Variants in WNK1 observed in about 807,000 individuals in gnomAD.
WNK1 encodes the protein WNK lysine deficient protein kinase 1.
A neutral mutation model predicts 222.8 loss-of-function variants in WNK1; 38 were observed. That is an observed-to-expected ratio of 0.17 (90% CI 0.13 to 0.22). The LOEUF is 0.22. WNK1 is among the 10% of genes least tolerant of loss of function. The pLI, the probability that WNK1 is intolerant of heterozygous loss-of-function variation, is 1.00. For synonymous variants in WNK1, 1,090 were observed against 1,092.9 expected (o/e 1.00, Z 0.05); for missense variants, 2,348 against 2,918.4 (o/e 0.80, Z 4.50).
At chr12:854,355 C>CT (rs765372764) in intron 4 of WNK1, among the ~76,000 whole-genome samples, 6,453 of 97,630 alleles carry the variant, frequency 0.066, 1,022 homozygotes, top group African/African-American at 0.21. Context: ...TTATCATTAT[C>CT]TTTTTTTTTT....
intron 1 of WNK1, among the ~76,000 whole-genome samples, chr12:780,967 C>T (rs572097061): frequency 1.3e-5 from 2 of 152,306 alleles, no homozygotes; most frequent in East Asian, 3.9e-4. Flanking sequence ...TTTGCAGTGG[C>T]TATCAAACCT....
intron 2 of WNK1, among the ~76,000 whole-genome samples, chr12:818,754 A>G (rs1192237218): frequency 6.6e-6 from 1 of 152,228 alleles, no homozygotes; most frequent in Non-Finnish European, 1.5e-5. Flanking sequence ...GGCGTCTTTC[A>G]CTTAGCATGG....
At chr12:843,731 G>C (rs1198271817) in intron 4 of WNK1, among the ~76,000 whole-genome samples, 1 of 152,204 alleles carries the variant, frequency 6.6e-6, no homozygotes, top group African/African-American at 2.4e-5. Flanking sequence ...AACCAACCAT[G>C]CAAAGTGCAG....
At chr12:840,191 A>G (rs989699082) in intron 4 of WNK1, among the ~76,000 whole-genome samples, 1 of 152,012 alleles carries the variant, frequency 6.6e-6, no homozygotes, top group Non-Finnish European at 1.5e-5. Flanking sequence ...GCAGTGGTAC[A>G]ATCATAGCTC....
At position 896,607 on chromosome 12, in the gene WNK1, C is replaced by G. The variant is rs142439139; in HGVS notation, c.6120C>G (p.Ser2040Arg). 2.5e-6 allele frequency: 4 copies of G among 1,607,818 alleles called. No individual in the cohort carries two copies. The highest frequency in any genetic ancestry group is 4.5e-5 in the East Asian group (2 of 44,790). The part of the protein sequence containing the change: ...PHSPHQLSSK[S>R]LPSQNLSQSL... ...CGCCCCATCAGCTGAGCTCAAAGAG[C>G]CTTCCTAGCCAGAATCTAAGTCAAA... The change falls in exon 24 of 28, where the codon AGC (serine) becomes AGG (arginine). Residue 2040 changes from serine (S) to arginine (R), a missense_variant. This residue lies in a region of WNK1 where 1,144 missense variants were observed against 1,273.6 expected (regional missense o/e 0.90). Transcript: ENST00000315939.
In WNK1 at chr12:859,126, C is replaced by T. The variant is rs577949771; in HGVS notation, c.1401-119C>T. 60 of 844,180 alleles carry T rather than the reference C, an allele frequency of 7.1e-5. No homozygotes were observed. In the Admixed American group the frequency reaches 9.2e-4, roughly 13 times the overall value. 52.3% of individuals were successfully genotyped at this position (844,180 alleles called of 1,614,324 possible). On this transcript the variant is annotated intron_variant, in intron 5 of 27. Transcript: ENST00000315939. ...ATGTAAAAATGAGTTATACTTTCCCCTGTATTTTTTCCCATTTTTTTCTTC... is the reference window on the plus strand; with the variant it reads ...ATGTAAAAATGAGTTATACTTTCCCTTGTATTTTTTCCCATTTTTTTCTTC...
In WNK1 at chr12:909,774, T is replaced by C. The variant is rs1955960971; in HGVS notation, c.*982T>C. On this transcript the variant is annotated 3_prime_UTR_variant, in exon 28 of 28. Transcript: ENST00000315939. ...TCAATAAAGGGCATGTGGAAGGAAATCGTAGGTCCATGTGACCCCAGCAGT... is the reference window on the plus strand; with the variant it reads ...TCAATAAAGGGCATGTGGAAGGAAACCGTAGGTCCATGTGACCCCAGCAGT... 6.6e-6 allele frequency: 1 copy of C among 152,208 alleles called. No individual in the cohort carries two copies. The highest frequency in any genetic ancestry group is 1.5e-5 in the Non-Finnish European group (1 of 68,030). The allele number at this position is 152,208 out of a possible 1,614,324, so 9.4% of individuals were successfully genotyped here.
chr12:756,840 CAGG>C (rs753609669), intron 1 of WNK1, among the ~76,000 whole-genome samples: 5 of 152,134 alleles, frequency 3.3e-5, no homozygotes, highest in Non-Finnish European at 7.3e-5. Context: ...TGAAGCAAGA[CAGG>C]AGAATATTGA....
At chr12:783,006 C>A (rs7959509) in intron 1 of WNK1, among the ~76,000 whole-genome samples, 85,838 of 151,292 alleles carry the variant, frequency 0.57, 24,749 homozygotes, top group East Asian at 0.81. Context: ...TGGGCTTAAG[C>A]GATCCTCCAG....
chr12:899,573 G>A (rs1362172910), intron 25 of WNK1, among the ~76,000 whole-genome samples: 2 of 152,120 alleles, frequency 1.3e-5, no homozygotes, highest in Non-Finnish European at 2.9e-5. Context: ...GAGCCACTAT[G>A]CCCAGCTATG....
Position 911,202 on chromosome 12 carries a change from T to G in WNK1, c.*2410T>G. On this transcript the variant is annotated 3_prime_UTR_variant, in exon 28 of 28. Coordinates refer to ENST00000315939, the MANE Select transcript of WNK1 (RefSeq NM_018979.4). Reference sequence around the variant, plus strand: ...TTATTTTTGTGTTAATAGTACACTTTGAGTATCTTTTTCCACATTAAAAAC... The same window carrying G: ...TTATTTTTGTGTTAATAGTACACTTGGAGTATCTTTTTCCACATTAAAAAC... 2 of 398,228 alleles carry G rather than the reference T, an allele frequency of 5.0e-6. No homozygotes were observed. The highest frequency in any genetic ancestry group is 8.9e-6 in the Non-Finnish European group (2 of 225,936). The allele number at this position is 398,228 out of a possible 1,614,324, so 24.7% of individuals were successfully genotyped here. A position where few individuals can be genotyped will look rare whatever the true frequency, so the allele number is the denominator to read the frequency against.
chr12:772,250 G>T (rs1293796364), intron 1 of WNK1, among the ~76,000 whole-genome samples: 1 of 152,192 alleles, frequency 6.6e-6, no homozygotes, highest in Non-Finnish European at 1.5e-5. Context: ...ACTGGTTTCT[G>T]TGTGTTTGAA....
At chr12:864,986 CTT>C in intron 8 of WNK1, 2 of 1,265,714 alleles carry the variant, frequency 1.6e-6, no homozygotes, top group East Asian at 2.6e-5. Flanking sequence ...AAAAAACTGA[CTT>C]TGTGGAATTG....
At chr12:842,399 GCTCTT>G (rs1279529593) in intron 4 of WNK1, among the ~76,000 whole-genome samples, 1 of 152,150 alleles carries the variant, frequency 6.6e-6, no homozygotes, top group African/African-American at 2.4e-5. Flanking sequence ...GACTAGAAAG[GCTCTT>G]CTGTAGGTTC....
rs9804992 is a variant in WNK1 at position 879,728 on chromosome 12, G to T, written c.2529G>T (p.Gln843His). The T allele has an allele frequency of 6.2e-7, 1 of 1,613,540 alleles. No homozygotes were observed. The highest frequency in any genetic ancestry group is 8.5e-7 in the Non-Finnish European group (1 of 1,179,896). ...TPLLPQYPVS[Q>H]IPISTPHVST... ...TGCTCCCTCAGTACCCTGTCTCTCA[G>T]ATTCCCATATCAACTCCTCATGTGT... Residue 843 changes from glutamine to histidine, a missense_variant, in exon 11 of 28, where the codon CAG (glutamine) becomes CAT (histidine). This residue lies in a region of WNK1 where 547 missense variants were observed against 558.3 expected (regional missense o/e 0.98). Transcript: ENST00000315939.
Position 753,884 on chromosome 12 carries a change from A to T in WNK1, c.319A>T (p.Ile107Phe). Residue 107 changes from isoleucine (I) to phenylalanine (F), a missense_variant, in exon 1 of 28, where the codon ATC becomes TTC. This residue lies in a region of WNK1 where 185 missense variants were observed against 159.2 expected (regional missense o/e 1.16). Coordinates refer to ENST00000315939, the MANE Select transcript of WNK1 (RefSeq NM_018979.4). This position sits in a 1 kb window ranked among gnomAD's most constrained non-coding sequence, Gnocchi z 5.2. Reference protein sequence around the residue: ...GLPLSLPQPSIPAAVPQSAPP... With the variant: ...GLPLSLPQPSFPAAVPQSAPP... ...TCCTCTTTCCCTGCCCCAGCCCAGC[A>T]TCCCCGCGGCTGTCCCGCAGAGTGC... 1 of 1,612,076 alleles carries T rather than the reference A, an allele frequency of 6.2e-7. No individual in the cohort carries two copies. The highest frequency in any genetic ancestry group is 8.5e-7 in the Non-Finnish European group (1 of 1,179,714).
intron 1 of WNK1, among the ~76,000 whole-genome samples, chr12:757,478 A>C (rs1349590289): frequency 6.6e-6 from 1 of 152,048 alleles, no homozygotes; most frequent in East Asian, 1.9e-4. Flanking sequence ...GGCGCACCCC[A>C]CCACACCCAG....
intron 1 of WNK1, 29 bp from the exon 2 acceptor site, chr12:813,613 C>T: frequency 6.2e-7 from 1 of 1,609,294 alleles, no homozygotes; most frequent in East Asian, 2.2e-5. Context: ...TCATTTTAAA[C>T]CACATTCTGT....
In WNK1 at chr12:900,589, T is replaced by C. The variant is rs141322375; in HGVS notation, c.6562T>C (p.Ser2188Pro). ...QNQLLQPLKP[S>P]PSSDNLYSAF... ...TCAGCTGTTACAGCCCCTTAAGCCA[T>C]CTCCCTCCAGTGACAACCTCTATTC... is the stretch of plus-strand genomic sequence containing the variant. Residue 2188 changes from serine to proline, a missense_variant, in exon 26 of 28, where the codon TCT (serine) becomes CCT (proline). Transcript: ENST00000315939. The C allele has an allele frequency of 2.5e-6, 4 of 1,614,058 alleles. No individual in the cohort carries two copies. Among genetic ancestry groups the C allele is most frequent in the Non-Finnish European group, 3.4e-6 (4 of 1,180,046 alleles).
Sources: allele counts gnomAD v4.1 joint callset (sites outside exome capture counted in the v4.1 genomes callset), GRCh38; gene constraint gnomAD v4.1.1; regional missense constraint gnomAD v4.1.1; non-coding constraint Gnocchi (gnomAD v3.1); transcripts MANE v1.5; gene names NCBI Gene and HGNC (gene_info 2026-07-23, HGNC 2026-07-21).